RAB27A: variants seen among roughly 807,000 people sequenced by gnomAD.
RAB27A encodes the protein RAB27A, member RAS oncogene family, also known as ras-related protein Rab-27A.
Under a neutral mutation model 20.8 loss-of-function variants are expected in RAB27A, and 17 were observed. That is an observed-to-expected ratio of 0.82 (90% confidence interval 0.56 to 1.23). RAB27A has a LOEUF of 1.23. Among genes scored for constraint, RAB27A ranks in the 50% most tolerant of loss-of-function variants. The pLI, the probability that RAB27A is intolerant of heterozygous loss-of-function variation, is 0.00. For synonymous variants in RAB27A, 85 were observed against 92.8 expected (o/e 0.92, Z 0.48); for missense variants, 277 against 266.7 (o/e 1.04, Z -0.27).
At chr15:55,218,178 G>A (rs563664107) in intron 6 of RAB27A, among the ~76,000 whole-genome samples, 1 of 152,124 alleles carries the variant, frequency 6.6e-6, no homozygotes, top group African/African-American at 2.4e-5. Flanking sequence ...ATGAACAAAC[G>A]TCTCACTAAA....
At chr15:55,234,457 A>G (rs1652883814) in intron 3 of RAB27A, among the ~76,000 whole-genome samples, 1 of 152,204 alleles carries the variant, frequency 6.6e-6, no homozygotes, top group Non-Finnish European at 1.5e-5. Flanking sequence ...AAACAAGAGT[A>G]TGAGGGGCAA....
Position 55,204,652 on chromosome 15 carries a change from A to C in RAB27A, c.*855T>G, listed in dbSNP as rs1894556365. ...AGAAAAAGAAACTAAATATTTACTCATCGCAAATAACTCGGCATAAGCACC... is the reference window on the plus strand; with the variant it reads ...AGAAAAAGAAACTAAATATTTACTCCTCGCAAATAACTCGGCATAAGCACC... On this transcript the variant is annotated 3_prime_UTR_variant, in exon 7 of 7. Coordinates refer to ENST00000336787, the MANE Select transcript of RAB27A (RefSeq NM_183235.3). 6.6e-6 allele frequency: 1 copy of C among 152,216 alleles called. No individual in the cohort carries two copies. The highest frequency in any genetic ancestry group is 1.5e-5 in the Non-Finnish European group (1 of 68,040). The allele number at this position is 152,216 out of a possible 1,614,324, so 9.4% of individuals were successfully genotyped here. A position where few individuals can be genotyped will look rare whatever the true frequency, so the allele number is the denominator to read the frequency against.
chr15:55,207,524 C>T (rs1467431238), intron 6 of RAB27A, among the ~76,000 whole-genome samples: 1 of 152,150 alleles, frequency 6.6e-6, no homozygotes, highest in African/African-American at 2.4e-5. Flanking sequence ...ATTCAGAAAC[C>T]CTGTGCTGGA....
At chr15:55,210,042 A>C (rs1313944433) in intron 6 of RAB27A, among the ~76,000 whole-genome samples, 1 of 144,722 alleles carries the variant, frequency 6.9e-6, no homozygotes, top group Non-Finnish European at 1.5e-5. Context: ...GTGTGTGTAC[A>C]TGTACATATA....
Position 55,234,866 on chromosome 15 carries a change from G to A in RAB27A, c.69C>T (p.Thr23=). The change falls in exon 3 of 7, where the codon ACC becomes ACT. Residue 23 remains threonine, a synonymous_variant. Coordinates refer to ENST00000336787, the MANE Select transcript of RAB27A (RefSeq NM_183235.3). ...LALGDSGVGK[T]SVLYQYTDGK... is the part of the protein sequence containing the mutation. The stretch of plus-strand genomic sequence containing the variant: ...CATCTGTATATTGGTAAAGTACACT[G>A]GTCTTCCCTACACCAGAGTCTCCCA... The A allele has an allele frequency of 6.2e-7, 1 of 1,611,546 alleles. No homozygotes were observed. Among genetic ancestry groups the A allele is most frequent in the South Asian group, 1.1e-5 (1 of 91,030 alleles).
chr15:55,276,246 A>G (rs998969092), intron 1 of RAB27A, among the ~76,000 whole-genome samples: 21 of 152,208 alleles, frequency 1.4e-4, no homozygotes, highest in African/African-American at 4.8e-4. Context: ...AATGAAGAAA[A>G]TGTGGTCTAT....
At chr15:55,266,036 C>G (rs1897467258) in intron 2 of RAB27A, among the ~76,000 whole-genome samples, 1 of 152,174 alleles carries the variant, frequency 6.6e-6, no homozygotes, top group South Asian at 2.1e-4. Context: ...CATCAGAAGG[C>G]TCTAATGTTA....
At chr15:55,305,801 C>T (rs964291038) in intron 2 of RAB27A, among the ~76,000 whole-genome samples, 1 of 152,160 alleles carries the variant, frequency 6.6e-6, no homozygotes, top group Non-Finnish European at 1.5e-5. Context: ...ACCAGGGAAT[C>T]GGCGACCTGT....
chr15:55,311,386 G>C (rs1397039183), intron 2 of RAB27A, among the ~76,000 whole-genome samples: 1 of 152,164 alleles, frequency 6.6e-6, no homozygotes, highest in Admixed American at 6.5e-5. Flanking sequence ...CCACTGCTTG[G>C]AGTGGGCATA....
intron 6 of RAB27A, among the ~76,000 whole-genome samples, chr15:55,213,027 C>A (rs953501400): frequency 6.6e-6 from 1 of 152,196 alleles, no homozygotes; most frequent in Non-Finnish European, 1.5e-5. Flanking sequence ...GTGACAAATT[C>A]ACCTTGCTTT....
intron 2 of RAB27A, among the ~76,000 whole-genome samples, chr15:55,251,337 T>C (rs1266768583): frequency 6.6e-6 from 1 of 152,152 alleles, no homozygotes; most frequent in Non-Finnish European, 1.5e-5. Flanking sequence ...CATTGCGTCA[T>C]TCCTGGGGAA....
chr15:55,298,702 T>C (rs537471957), intron 2 of RAB27A, among the ~76,000 whole-genome samples: 1 of 152,130 alleles, frequency 6.6e-6, no homozygotes, highest in Non-Finnish European at 1.5e-5. Context: ...TATGGGAGAC[T>C]GGGGTCTATT....
chr15:55,274,944 T>C (rs1347764212), intron 1 of RAB27A, among the ~76,000 whole-genome samples: 1 of 149,868 alleles, frequency 6.7e-6, no homozygotes, highest in Non-Finnish European at 1.5e-5. Flanking sequence ...GTACAAAGAA[T>C]AATAAGAGAT....
chr15:55,280,270 T>C (rs1409390500), intron 1 of RAB27A, among the ~76,000 whole-genome samples: 1 of 151,960 alleles, frequency 6.6e-6, no homozygotes, highest in African/African-American at 2.4e-5. Flanking sequence ...ATCTTCCCAC[T>C]CACTTGCTGT....
intron 6 of RAB27A, among the ~76,000 whole-genome samples, chr15:55,215,830 C>CA: frequency 6.6e-6 from 1 of 150,950 alleles, no homozygotes; most frequent in East Asian, 2.0e-4. Context: ...CCTATAATCC[C>CA]AGCTACTCAG....
intron 4 of RAB27A, among the ~76,000 whole-genome samples, chr15:55,229,600 G>A (rs1036009039): frequency 5.3e-5 from 8 of 151,946 alleles, no homozygotes; most frequent in African/African-American, 1.7e-4. Flanking sequence ...ACTTGAACCA[G>A]CAAGGTAGAG....
At chr15:55,312,666 T>G (rs1048924375) in intron 2 of RAB27A, among the ~76,000 whole-genome samples, 8 of 152,030 alleles carry the variant, frequency 5.3e-5, no homozygotes, top group African/African-American at 1.9e-4. Context: ...AAAAAAAAAC[T>G]CAGCCTCTGG....
In RAB27A at chr15:55,310,942, T is replaced by C. The variant is rs1038147129; in HGVS notation, c.-112+3097A>G. 1.9e-4 allele frequency among the ~76,000 whole-genome samples: 29 copies of C among 152,246 alleles called. 1 individual carries two copies. Among genetic ancestry groups the C allele is most frequent in the Admixed American group, 1.4e-3 (22 of 15,284 alleles). ...TTTCCCTGTGTTACAGTGGACATCA[T>C]TGCCAATAATTCATAGGCTTCTTCC... On this transcript the variant is annotated intron_variant, in intron 2 of 5. Transcript: ENST00000563262.
At chr15:55,317,487 G>T in intron 1 of RAB27A, 1 of 311,710 alleles carries the variant, frequency 3.2e-6, no homozygotes, top group Non-Finnish European at 5.9e-6. Context: ...GCTGATTTTT[G>T]TATTTTCAGT....
Sources: allele counts gnomAD v4.1 joint callset (sites outside exome capture counted in the v4.1 genomes callset), GRCh38; gene constraint gnomAD v4.1.1; transcripts MANE v1.5; gene names NCBI Gene and HGNC (gene_info 2026-07-23, HGNC 2026-07-21).